Variants in ERBB4 observed in about 807,000 individuals in gnomAD.
ERBB4 encodes the protein erb-b2 receptor tyrosine kinase 4.
A neutral mutation model predicts 158.0 loss-of-function variants in ERBB4; 42 were observed. The observed-to-expected ratio is 0.27, with a 90% CI of 0.21 to 0.34. ERBB4 has a LOEUF of 0.34. Among genes scored for constraint, ERBB4 ranks in the 10% least tolerant of loss-of-function variants. The pLI is 1.00. For missense variants in ERBB4, 1,333 were observed against 1,624.1 expected (o/e 0.82, Z 3.08); for synonymous variants, 583 against 558.7 (o/e 1.04, Z -0.61).
intron 3 of ERBB4, among the ~76,000 whole-genome samples, chr2:211,937,941 C>A (rs1321863624): frequency 6.6e-6 from 1 of 152,106 alleles, no homozygotes; most frequent in Non-Finnish European, 1.5e-5. Flanking sequence ...TTTAAAGTGT[C>A]ATTTATCTGA....
intron 1 of ERBB4, among the ~76,000 whole-genome samples, chr2:212,248,003 C>A (rs935183145): frequency 9.9e-5 from 15 of 151,914 alleles, no homozygotes; most frequent in Non-Finnish European, 1.9e-4. Flanking sequence ...TGTTTTAAAG[C>A]AAATTATCTA....
intron 20 of ERBB4, among the ~76,000 whole-genome samples, chr2:211,488,678 T>A (rs1026613123): frequency 5.3e-5 from 8 of 152,026 alleles, no homozygotes; most frequent in Non-Finnish European, 1.0e-4. Flanking sequence ...AAAACTTACC[T>A]GAAAAGGAAA....
intron 3 of ERBB4, among the ~76,000 whole-genome samples, chr2:211,788,851 A>G (rs1262179729): frequency 1.3e-5 from 2 of 152,186 alleles, no homozygotes; most frequent in African/African-American, 4.8e-5. Flanking sequence ...AATGAAATCG[A>G]TAAGATTGCC....
intron 1 of ERBB4, among the ~76,000 whole-genome samples, chr2:212,333,305 G>A (rs1232481232): frequency 5.3e-5 from 8 of 151,694 alleles, no homozygotes; most frequent in Non-Finnish European, 1.0e-4. Flanking sequence ...TCCTGAATCC[G>A]GGTGGCCATA....
At chr2:212,254,926 T>C (rs2084671180) in intron 1 of ERBB4, among the ~76,000 whole-genome samples, 1 of 152,150 alleles carries the variant, frequency 6.6e-6, no homozygotes, top group Non-Finnish European at 1.5e-5. Flanking sequence ...AAGTCTAACT[T>C]TTTCAAAACA....
chr2:211,574,942 C>A (rs2067845694), intron 19 of ERBB4, among the ~76,000 whole-genome samples: 1 of 152,164 alleles, frequency 6.6e-6, no homozygotes, highest in Non-Finnish European at 1.5e-5. Context: ...TATGTCAGCA[C>A]AATGCTATTG....
chr2:211,600,931 T>C (rs2068780722), intron 19 of ERBB4, among the ~76,000 whole-genome samples: 2 of 151,990 alleles, frequency 1.3e-5, no homozygotes, highest in South Asian at 4.1e-4. Flanking sequence ...CTCAAACAAA[T>C]GGTCACACAC....
chr2:212,467,259 C>A (rs1688885577), intron 1 of ERBB4, among the ~76,000 whole-genome samples: 1 of 152,134 alleles, frequency 6.6e-6, no homozygotes, highest in Admixed American at 6.5e-5. Context: ...TAATGAGGAG[C>A]CGAATGTTAA....
chr2:211,526,168 T>C (rs1419075674), intron 20 of ERBB4, among the ~76,000 whole-genome samples: 3 of 152,044 alleles, frequency 2.0e-5, no homozygotes, highest in African/African-American at 7.2e-5. Flanking sequence ...TGGTCTCAGG[T>C]CTGACTGAGC....
At chr2:211,706,042 C>T (rs1188323109) in intron 9 of ERBB4, among the ~76,000 whole-genome samples, 3 of 151,938 alleles carry the variant, frequency 2.0e-5, no homozygotes, top group African/African-American at 7.3e-5. Context: ...TCAAGCAAGA[C>T]TTCCAGTTTT....
At chr2:212,280,232 T>C (rs1030875322) in intron 1 of ERBB4, among the ~76,000 whole-genome samples, 1 of 151,710 alleles carries the variant, frequency 6.6e-6, no homozygotes, top group African/African-American at 2.4e-5. Flanking sequence ...GTTAGATATA[T>C]AGGCAATTTT....
At chr2:211,571,948 T>C (rs2067741403) in intron 19 of ERBB4, among the ~76,000 whole-genome samples, 1 of 152,184 alleles carries the variant, frequency 6.6e-6, no homozygotes, top group Non-Finnish European at 1.5e-5. Flanking sequence ...TATTTTTTTT[T>C]TAATTTCAGA....
intron 1 of ERBB4, among the ~76,000 whole-genome samples, chr2:212,441,049 G>A (rs2092243899): frequency 6.6e-6 from 1 of 152,132 alleles, no homozygotes; most frequent in Non-Finnish European, 1.5e-5. Flanking sequence ...GATCTGCAAC[G>A]AAAGATGCAT....
rs899079175 is a variant in ERBB4 at position 211,600,153 on chromosome 2, T to C, written c.2301+19024A>G. Among the ~76,000 whole-genome samples the C allele has an allele frequency of 2.6e-5, 4 of 152,256 alleles. No individual in the cohort carries two copies. In the South Asian group the frequency reaches 6.2e-4, roughly 24 times the overall value. The stretch of plus-strand genomic sequence containing the variant: ...TTCATTTTACCTTCACAAAACCCAA[T>C]AGGAAAAAACAAAACAAAACAAGGT... On this transcript the variant is annotated intron_variant, in intron 19 of 27. Coordinates refer to ENST00000342788, the MANE Select transcript of ERBB4 (RefSeq NM_005235.3).
intron 20 of ERBB4, among the ~76,000 whole-genome samples, chr2:211,524,213 C>T (rs1023513631): frequency 6.6e-6 from 1 of 152,012 alleles, no homozygotes; most frequent in African/African-American, 2.4e-5. Flanking sequence ...ATTCACAGAC[C>T]CTGAGCTAAA....
intron 16 of ERBB4, among the ~76,000 whole-genome samples, chr2:211,648,528 A>G (rs770427845): frequency 2.0e-5 from 3 of 151,830 alleles, no homozygotes; most frequent in Non-Finnish European, 4.4e-5. Context: ...TACTGGCTGC[A>G]TATTGTGAAA....
rs181931438 is a variant in ERBB4, at chr2:212,221,042, C to A, written c.83-96139G>T. Among the ~76,000 whole-genome samples, 181 of 151,568 alleles carry A rather than the reference C, an allele frequency of 1.2e-3. 2 individuals carry two copies. The highest frequency in any genetic ancestry group is 4.2e-3 in the African/African-American group (174 of 41,486). ...CAGTATGTAGGTGACTTCCACACAA[C>A]CTCCCTACTTAGAGACTTCTGAAAG... is the stretch of plus-strand genomic sequence containing the variant. On this transcript the variant is annotated intron_variant, in intron 1 of 27. Transcript: ENST00000342788.
intron 17 of ERBB4, among the ~76,000 whole-genome samples, chr2:211,624,494 T>C (rs1407452704): frequency 6.6e-6 from 1 of 152,146 alleles, no homozygotes. Context: ...TCTTGTTAAA[T>C]ATAGGTCCCG....
At chr2:212,399,630 C>T (rs6718316) in intron 1 of ERBB4, among the ~76,000 whole-genome samples, 60,625 of 132,692 alleles carry the variant, frequency 0.46, 14,740 homozygotes, top group African/African-American at 0.56. Flanking sequence ...TTTGGGAGGT[C>T]GAGGTGGGTG....
Sources: gnomAD v4.1 joint callset for allele counts (sites outside exome capture counted in the v4.1 genomes callset) on GRCh38, gnomAD v4.1.1 for gene constraint, MANE v1.5 for transcripts, NCBI Gene and HGNC (gene_info 2026-07-23, HGNC 2026-07-21) for gene names.